The following DYNC2I1 variants were observed in gnomAD, a reference collection of about 807,000 sequenced individuals.
DYNC2I1 encodes the protein cytoplasmic dynein 2 intermediate chain 1.
A neutral mutation model predicts 133.4 loss-of-function variants in DYNC2I1; 89 were observed. The observed-to-expected ratio is 0.67, with a 90% CI of 0.56 to 0.80. DYNC2I1 has a LOEUF of 0.80. Among genes scored for constraint, DYNC2I1 ranks in the 30% least tolerant of loss-of-function variants. The pLI, the probability that DYNC2I1 is intolerant of heterozygous loss-of-function variation, is 0.00. For synonymous variants in DYNC2I1, 504 were observed against 484.3 expected (o/e 1.04, Z -0.54); for missense variants, 1,291 against 1,314.5 (o/e 0.98, Z 0.28).
chr7:158,942,016 T>G lies in DYNC2I1; in HGVS notation c.2870T>G (p.Val957Gly). 3 of 1,613,528 alleles carry G rather than the reference T, an allele frequency of 1.9e-6. No individual in the cohort carries two copies. The highest frequency in any genetic ancestry group is 2.5e-6 in the Non-Finnish European group (3 of 1,179,806). The change falls in exon 24 of 25, where the codon GTC (valine) becomes GGC (glycine). Residue 957 changes from valine (V) to glycine (G), a missense_variant. Physicochemically the swap from Val to Gly is moderately radical, Grantham distance 109 (BLOSUM62 -3). Coordinates refer to ENST00000407559, the MANE Select transcript of DYNC2I1 (RefSeq NM_018051.5). ...GACAGCAGCACGGACAGCCATGCGGTCACCGGCCTGCAGTGGTCCCCAACC... is the reference window on the plus strand; with the variant it reads ...GACAGCAGCACGGACAGCCATGCGGGCACCGGCCTGCAGTGGTCCCCAACC... ...QWDSSTDSHAVTGLQWSPTRP... is the reference protein window; with the variant it reads ...QWDSSTDSHAGTGLQWSPTRP...
At chr7:158,862,123 C>T (rs917914116) in intron 1 of DYNC2I1, among the ~76,000 whole-genome samples, 6 of 152,054 alleles carry the variant, frequency 3.9e-5, no homozygotes, top group Non-Finnish European at 7.4e-5. Context: ...CCACTCTGGC[C>T]GTTAGTGCTC....
At chr7:158,852,686 C>T (rs1841087058), upstream of DYNC2I1, among the ~76,000 whole-genome samples, 3 of 152,124 alleles carry the variant, frequency 2.0e-5, no homozygotes, top group South Asian at 6.2e-4. Context: ...TTGCAGTGAG[C>T]TGAGATCGCG....
At chr7:158,871,680 C>CT (rs1842900000) in intron 3 of DYNC2I1, 118 bp downstream of exon 3, 215 of 1,189,412 alleles carry the variant, frequency 1.8e-4, no homozygotes, top group Middle Eastern at 2.9e-4. Context: ...TTCCCCTTTC[C>CT]TTTTTTTTCT....
chr7:158,875,573 G>T (rs562953482), intron 3 of DYNC2I1, among the ~76,000 whole-genome samples: 15 of 152,322 alleles, frequency 9.8e-5, no homozygotes, highest in African/African-American at 3.6e-4. Context: ...ATCGGTACCT[G>T]CCTGGCTCTG....
chr7:158,916,867 C>G (rs1205219934), intron 14 of DYNC2I1, among the ~76,000 whole-genome samples: 2 of 76,216 alleles, frequency 2.6e-5, no homozygotes, highest in East Asian at 2.8e-4. Flanking sequence ...CGTCTACACG[C>G]TGGTTGACAT....
At chr7:158,936,686 A>G (rs185694266) in intron 23 of DYNC2I1, among the ~76,000 whole-genome samples, 20 of 152,338 alleles carry the variant, frequency 1.3e-4, no homozygotes, top group African/African-American at 3.8e-4. Flanking sequence ...GAGGCACTCA[A>G]TCAGAGTGGC....
intron 10 of DYNC2I1, chr7:158,902,898 C>A: frequency 3.2e-6 from 1 of 313,242 alleles, no homozygotes. Flanking sequence ...CTCCTGTTCT[C>A]CAGAGGGAGC....
chr7:158,922,201 TG>T (rs1849168503), intron 15 of DYNC2I1, among the ~76,000 whole-genome samples, 175 bp from the exon 16 acceptor site: 1 of 152,212 alleles, frequency 6.6e-6, no homozygotes, highest in African/African-American at 2.4e-5. Context: ...GACAGAGTGT[TG>T]GGGCATAGGC....
rs1225011492 is a variant in DYNC2I1, at chr7:158,884,622, A to G, written c.935+3A>G. The G allele has an allele frequency of 4.3e-6, 7 of 1,613,186 alleles. No homozygotes were observed. The highest frequency in any genetic ancestry group is 1.7e-5 in the Admixed American group (1 of 59,916). ...AAAAGAGATGGGACCAGCAGCCAGT[A>G]AGGATTGCATGCCCTGTGGTCGACC... On this transcript the variant is annotated splice_donor_region_variant and intron_variant, in intron 6 of 24. Coordinates refer to ENST00000407559, the MANE Select transcript of DYNC2I1 (RefSeq NM_018051.5).
intron 4 of DYNC2I1, among the ~76,000 whole-genome samples, chr7:158,952,078 G>A (rs1852070759): frequency 6.6e-6 from 1 of 152,204 alleles, no homozygotes; most frequent in Admixed American, 6.5e-5. Context: ...TACGTGGCAA[G>A]GTCGCGGTGG....
At chr7:158,929,971 G>A (rs1435791393) in intron 20 of DYNC2I1, among the ~76,000 whole-genome samples, 5 of 152,188 alleles carry the variant, frequency 3.3e-5, no homozygotes, top group Non-Finnish European at 7.3e-5. Flanking sequence ...AGACGCACTC[G>A]GCTGAGGAGC....
Position 158,856,612 on chromosome 7 carries a change from C to G in DYNC2I1, c.-124C>G, listed in dbSNP as rs1363024453. 1 of 1,026,600 alleles carries G rather than the reference C, an allele frequency of 9.7e-7. No homozygotes were observed. The highest frequency in any genetic ancestry group is 1.2e-6 in the Non-Finnish European group (1 of 801,850). 63.6% of individuals were successfully genotyped at this position (1,026,600 alleles called of 1,614,324 possible). ...GCTTCTGGGCCCTCTGCTGCTCCTG[C>G]TTGTCGGTTGCTAGGCGCTGGGACG... On this transcript the variant is annotated 5_prime_UTR_variant, in exon 1 of 25. Transcript: ENST00000407559.
intron 4 of DYNC2I1, among the ~76,000 whole-genome samples, chr7:158,953,842 A>G (rs1163423798): frequency 1.3e-5 from 2 of 152,072 alleles, no homozygotes; most frequent in Non-Finnish European, 2.9e-5. Flanking sequence ...TGAATGGCAT[A>G]TATGTTATAT....
At chr7:158,905,639 C>T (rs988610176) in intron 10 of DYNC2I1, among the ~76,000 whole-genome samples, 3 of 152,066 alleles carry the variant, frequency 2.0e-5, no homozygotes, top group Admixed American at 1.3e-4. Context: ...TTTGTATGTC[C>T]TTGTTCCACT....
chr7:158,892,353 T>A, intron 8 of DYNC2I1, among the ~76,000 whole-genome samples: 1 of 152,244 alleles, frequency 6.6e-6, no homozygotes, highest in East Asian at 1.9e-4. Flanking sequence ...TAATATAATG[T>A]ACCATGACTT....
At position 158,922,476 on chromosome 7, in the gene DYNC2I1, G is replaced by C. The variant is rs1045909020; in HGVS notation, c.2021G>C (p.Ser674Thr). 2.5e-6 allele frequency: 4 copies of C among 1,613,836 alleles called. No homozygotes were observed. The African/African-American group carries it at 5.3e-5, about 22-fold the overall frequency. The change falls in exon 16 of 25, where the codon AGC becomes ACC. Residue 674 changes from serine to threonine, a missense_variant. Physicochemically the swap from Ser to Thr is moderately conservative, Grantham distance 58. Transcript: ENST00000407559. ...AAGAGCTTTGTGCCCCTGCTGGACA[G>C]CAAATACGTCCTCTGTGTGTGGGAT... The part of the protein sequence containing the change: ...PEKSFVPLLD[S>T]KYVLCVWDIW...
chr7:158,923,630 CGGCTCA>C lies in DYNC2I1; in HGVS notation c.2156_2161del (p.Gly719_Ser720del). The C allele has an allele frequency of 6.2e-7, 1 of 1,613,994 alleles. No homozygotes were observed. The highest frequency in any genetic ancestry group is 8.5e-7 in the Non-Finnish European group (1 of 1,179,902). ...TTTTACTGTTTGCCGGAACAGCGCA[CGGCTCA>C]GTTGTCGTCTGGGATTTGAGAGAAG... On this transcript the variant is annotated inframe_deletion, in exon 17 of 25. Transcript: ENST00000407559.
intron 4 of DYNC2I1, among the ~76,000 whole-genome samples, chr7:158,879,155 C>G (rs1489899753): frequency 6.6e-6 from 1 of 152,074 alleles, no homozygotes; most frequent in Non-Finnish European, 1.5e-5. Flanking sequence ...CAGTGTCTGA[C>G]CATGGACCAT....
Position 158,934,194 on chromosome 7 carries a change from C to T in DYNC2I1, c.2612C>T (p.Ser871Leu). 1 of 1,612,792 alleles carries T rather than the reference C, an allele frequency of 6.2e-7. No homozygotes were observed. The highest frequency in any genetic ancestry group is 1.1e-5 in the South Asian group (1 of 90,618). ...ACACTGAATGTTAAATTTCTGCCTT[C>T]AGATCCTAATCACTTTATTATTGGC... is the stretch of plus-strand genomic sequence containing the variant. ...TQTLNVKFLP[S>L]DPNHFIIGTD... is the part of the protein sequence containing the mutation. The change falls in exon 22 of 25, where the codon TCA becomes TTA. Residue 871 changes from serine to leucine, a missense_variant. By Grantham distance (145) the Ser-to-Leu change is moderately radical. Coordinates refer to ENST00000407559, the MANE Select transcript of DYNC2I1 (RefSeq NM_018051.5).
Sources: gnomAD v4.1 joint callset for allele counts (sites outside exome capture counted in the v4.1 genomes callset) on GRCh38, gnomAD v4.1.1 for gene constraint, MANE v1.5 for transcripts, NCBI Gene and HGNC (gene_info 2026-07-23, HGNC 2026-07-21) for gene names.